PRKAR1B: variants seen among roughly 807,000 people sequenced by gnomAD.
The protein encoded by PRKAR1B is cAMP-dependent protein kinase type I-beta regulatory subunit.
In PRKAR1B, 22 loss-of-function variants were observed where a neutral mutation model predicts 46.5. The ratio of observed to expected loss-of-function variants is 0.47; its 90% CI spans 0.34 to 0.68. The LOEUF is 0.68. Among genes scored for constraint, PRKAR1B ranks in the 30% least tolerant of loss-of-function variants. PRKAR1B has a pLI of 0.01. For synonymous variants in PRKAR1B, 259 were observed against 217.7 expected, an observed-to-expected ratio of 1.19 and a Z score of -1.67; for missense variants, 445 against 535.6, an observed-to-expected ratio of 0.83 and a Z score of 1.67.
intron 4 of PRKAR1B, among the ~76,000 whole-genome samples, chr7:634,697 T>C (rs1352705619): frequency 1.3e-5 from 2 of 151,410 alleles, no homozygotes; most frequent in African/African-American, 2.4e-5. Flanking sequence ...TAGAGTGCAA[T>C]GGAGCGATCT....
In PRKAR1B at chr7:705,226, G is replaced by A. The variant is rs937000614; in HGVS notation, c.177+6103C>T. On this transcript the variant is annotated intron_variant, in intron 2 of 10. Transcript: ENST00000537384. ...AAAATCGCTTGAAAATCACCTGAAC[G>A]CGGGGAGCAGAGGCTGCAGTAAACC... 2.7e-4 allele frequency among the ~76,000 whole-genome samples: 41 copies of A among 150,560 alleles called. 1 individual carries two copies. The highest frequency in any genetic ancestry group is 2.5e-3 in the Admixed American group (38 of 15,042).
intron 7 of PRKAR1B, among the ~76,000 whole-genome samples, chr7:588,786 G>T (rs199882525): frequency 0.014 from 206 of 14,534 alleles, no homozygotes; most frequent in Middle Eastern, 0.17. Flanking sequence ...GGTGGTGATG[G>T]TGGTGAGGAT....
At chr7:689,105 C>T (rs972479863) in intron 2 of PRKAR1B, among the ~76,000 whole-genome samples, 2 of 148,938 alleles carry the variant, frequency 1.3e-5, no homozygotes, top group African/African-American at 5.1e-5. Context: ...TGGAACAGAA[C>T]TAAAAAGAAA....
chr7:631,778 C>T (rs1783757094), intron 4 of PRKAR1B, among the ~76,000 whole-genome samples: 1 of 151,870 alleles, frequency 6.6e-6, no homozygotes, highest in Admixed American at 6.6e-5. Context: ...ATAGAGAGAC[C>T]CCCATCTCTA....
At chr7:596,340 C>A in intron 6 of PRKAR1B, 36 bp from the exon 7 acceptor site, 1 of 1,584,492 alleles carries the variant, frequency 6.3e-7, no homozygotes. Context: ...TCACGGGGGC[C>A]AGGCAGGGTG....
intron 2 of PRKAR1B, among the ~76,000 whole-genome samples, chr7:692,064 T>A (rs987398935): frequency 1.3e-5 from 2 of 152,118 alleles, no homozygotes; most frequent in African/African-American, 2.4e-5. Flanking sequence ...AATCATCACA[T>A]CGTCATCCAC....
At chr7:655,233 A>C in intron 4 of PRKAR1B, among the ~76,000 whole-genome samples, 1 of 152,190 alleles carries the variant, frequency 6.6e-6, no homozygotes. Context: ...AAGTCCTTGC[A>C]GTGACCCAGA....
At chr7:553,566 A>G (rs1784382176) in intron 9 of PRKAR1B, among the ~76,000 whole-genome samples, 1 of 152,196 alleles carries the variant, frequency 6.6e-6, no homozygotes, top group South Asian at 2.1e-4. Flanking sequence ...TCACGTCCCC[A>G]CAGCCCCAGC....
chr7:718,863 CT>C (rs1165723435), intron 1 of PRKAR1B, among the ~76,000 whole-genome samples: 1,708 of 73,676 alleles, frequency 0.023, 4 homozygotes, highest in East Asian at 0.069. Flanking sequence ...CTTTTATAGG[CT>C]TTTTTTTTTT....
At chr7:722,647 C>T (rs189393180) in intron 1 of PRKAR1B, among the ~76,000 whole-genome samples, 2 of 152,412 alleles carry the variant, frequency 1.3e-5, no homozygotes, top group Admixed American at 1.3e-4. Flanking sequence ...GCTGGGATGA[C>T]AGGCGTGAGC....
chr7:674,218 C>G (rs1786453175), intron 4 of PRKAR1B, among the ~76,000 whole-genome samples: 1 of 152,160 alleles, frequency 6.6e-6, no homozygotes, highest in South Asian at 2.1e-4. Flanking sequence ...TCCAGCCACA[C>G]CCAGCTACTC....
Position 617,069 on chromosome 7 carries a change from C to T in PRKAR1B, c.441-9617G>A, listed in dbSNP as rs1251217336. Among the ~76,000 whole-genome samples the T allele has an allele frequency of 2.0e-5, 3 of 148,244 alleles. No individual in the cohort carries two copies. In the East Asian group the frequency reaches 6.2e-4, roughly 31 times the overall value. On this transcript the variant is annotated intron_variant, in intron 4 of 10. Transcript: ENST00000537384. ...AGTATAATGGCACGATCCCAGCTCA[C>T]TGCAACCTCCACCTCCCAGGTTCAA...
intron 4 of PRKAR1B, among the ~76,000 whole-genome samples, chr7:674,930 G>A (rs994346526): frequency 6.6e-6 from 1 of 152,164 alleles, no homozygotes; most frequent in African/African-American, 2.4e-5. Context: ...ACCCTTGAAG[G>A]CCACTCCTCT....
intron 6 of PRKAR1B, among the ~76,000 whole-genome samples, chr7:604,504 G>A (rs1339164015): frequency 6.6e-6 from 1 of 152,238 alleles, no homozygotes; most frequent in Admixed American, 6.5e-5. Flanking sequence ...TTCCGGCTCA[G>A]GACAGAGCAC....
chr7:573,705 T>A (rs1225571289), intron 9 of PRKAR1B, among the ~76,000 whole-genome samples: 1 of 151,840 alleles, frequency 6.6e-6, no homozygotes, highest in African/African-American at 2.4e-5. Flanking sequence ...AAAATCCGAG[T>A]CGTCAACCAG....
chr7:700,427 T>C (rs944784650), intron 2 of PRKAR1B, among the ~76,000 whole-genome samples: 2 of 152,160 alleles, frequency 1.3e-5, no homozygotes, highest in African/African-American at 4.8e-5. Context: ...GACAACATAA[T>C]ATAGAAAATG....
At chr7:603,486 C>T (rs1562554600) in intron 6 of PRKAR1B, among the ~76,000 whole-genome samples, 1 of 152,148 alleles carries the variant, frequency 6.6e-6, no homozygotes, top group Non-Finnish European at 1.5e-5. Flanking sequence ...GCCACAACCT[C>T]CCCCACACCA....
chr7:713,918 G>A (rs1780781860), intron 1 of PRKAR1B, among the ~76,000 whole-genome samples: 1 of 152,200 alleles, frequency 6.6e-6, no homozygotes, highest in Admixed American at 6.5e-5. Context: ...CCCGTCTCAG[G>A]CAGACCTGCA....
At position 680,545 on chromosome 7, in the gene PRKAR1B, G is replaced by A. The variant is rs200766269; in HGVS notation, c.348+11C>T. ...CCTGGGGACAGGAACCCCGTGACCC[G>A]TGAGCCTCACCTTCCTGACGTAGGA... On this transcript the variant is annotated intron_variant, in intron 3 of 10. Coordinates refer to ENST00000537384, the MANE Select transcript of PRKAR1B (RefSeq NM_001164760.2). The A allele has an allele frequency of 2.9e-4, 459 of 1,604,084 alleles. 3 individuals carry two copies. The highest frequency in any genetic ancestry group is 2.2e-3 in the African/African-American group (161 of 74,748).
Sources: allele counts gnomAD v4.1 joint callset (sites outside exome capture counted in the v4.1 genomes callset), GRCh38; gene constraint gnomAD v4.1.1; transcripts MANE v1.5; gene names NCBI Gene and HGNC (gene_info 2026-07-23, HGNC 2026-07-21).